IFI16: variants seen among roughly 807,000 people sequenced by gnomAD.
IFI16 encodes the protein interferon gamma inducible protein 16, also known as gamma-interferon-inducible protein 16.
A neutral mutation model predicts 68.4 loss-of-function variants in IFI16; 49 were observed. The observed-to-expected ratio is 0.72, with a 90% CI of 0.57 to 0.91. The LOEUF (loss-of-function observed/expected upper bound fraction) is 0.91, where lower values mean the gene tolerates loss of function less well. Among genes scored for constraint, IFI16 ranks in the 40% least tolerant of loss-of-function variants. The pLI is 0.00. For synonymous variants in IFI16, 307 were observed against 315.0 expected (o/e 0.97, Z 0.27); for missense variants, 878 against 942.9 (o/e 0.93, Z 0.90).
At chr1:159,035,604 TA>T (rs1654274416) in intron 7 of IFI16, among the ~76,000 whole-genome samples, 1 of 148,946 alleles carries the variant, frequency 6.7e-6, no homozygotes, top group African/African-American at 2.5e-5. Context: ...CTATCGTCTG[TA>T]AATACAGTTG....
intron 7 of IFI16, among the ~76,000 whole-genome samples, chr1:159,040,740 G>T (rs1445085045): frequency 6.6e-6 from 1 of 152,150 alleles, no homozygotes; most frequent in Non-Finnish European, 1.5e-5. Flanking sequence ...ATTTTTGCTT[G>T]TTGGGCATTT....
chr1:159,018,513 T>A lies in IFI16; in HGVS notation c.834T>A (p.Thr278=), dbSNP rs748346472. The A allele has an allele frequency of 4.3e-6, 7 of 1,614,076 alleles. No homozygotes were observed. The South Asian group carries it at 7.7e-5, about 18-fold the overall frequency. The change falls in exon 5 of 12, where the codon ACT becomes ACA. Residue 278 remains threonine (T), a synonymous_variant. Transcript: ENST00000295809. ...TCCTAGAGGTCAATGAAGAATCTAC[T>A]GTATCTGAAGCTGGTCCTAACCAAA... The part of the protein sequence containing the change: ...DSLLEVNEES[T]VSEAGPNQTF...
In IFI16 at chr1:159,055,128, A is replaced by G; in HGVS notation, c.*227A>G. On this transcript the variant is annotated 3_prime_UTR_variant, in exon 12 of 12. Coordinates refer to ENST00000295809, the MANE Select transcript of IFI16 (RefSeq NM_001376587.1). ...CAACTTCTATAATTTGAAAAAATAA[A>G]TAAACATTATCTTTTTTGTGAAAGG... 2.9e-6 allele frequency: 1 copy of G among 348,042 alleles called. No homozygotes were observed. Among genetic ancestry groups the G allele is most frequent in the East Asian group, 4.6e-5 (1 of 21,608 alleles). The allele number at this position is 348,042 out of a possible 1,614,324, so 21.6% of individuals were successfully genotyped here.
chr1:159,042,357 G>T (rs1199127324), intron 7 of IFI16, among the ~76,000 whole-genome samples: 1 of 152,112 alleles, frequency 6.6e-6, no homozygotes, highest in Non-Finnish European at 1.5e-5. Flanking sequence ...AGGAATAATT[G>T]CTATTTTTTC....
intron 7 of IFI16, among the ~76,000 whole-genome samples, 154 bp downstream of exon 7, chr1:159,032,845 A>C (rs1654091851): frequency 6.6e-6 from 1 of 152,172 alleles, no homozygotes; most frequent in African/African-American, 2.4e-5. Flanking sequence ...GAATTCATAC[A>C]GTGAGATAGC....
Position 159,032,529 on chromosome 1 carries a change from G to GA in IFI16, c.1174dup (p.Thr392AsnfsTer7). ...CAGAAAATGAATACTTTCAGATAAAGAAAAAAACAAACCCGAGAAACAATG... is the reference window on the plus strand; with the variant it reads ...CAGAAAATGAATACTTTCAGATAAAGAAAAAAAACAAACCCGAGAAACAATG... On this transcript the variant is annotated frameshift_variant, in exon 7 of 12. Coordinates refer to ENST00000295809, the MANE Select transcript of IFI16 (RefSeq NM_001376587.1). LOFTEE classifies it high-confidence loss of function. 1.3e-6 allele frequency: 2 copies of GA among 1,573,042 alleles called. No homozygotes were observed. The highest frequency in any genetic ancestry group is 2.3e-5 in the East Asian group (1 of 44,086).
At chr1:159,034,845 C>T (rs868331066) in intron 7 of IFI16, among the ~76,000 whole-genome samples, 3 of 152,100 alleles carry the variant, frequency 2.0e-5, no homozygotes, top group Admixed American at 6.6e-5. Flanking sequence ...TGGTAGGTAG[C>T]GTCTACCCCA....
chr1:159,026,626 C>T (rs923936514), intron 6 of IFI16, among the ~76,000 whole-genome samples: 2 of 152,122 alleles, frequency 1.3e-5, no homozygotes, highest in African/African-American at 2.4e-5. Context: ...GATATTGATT[C>T]TACCCATCCC....
intron 11 of IFI16, among the ~76,000 whole-genome samples, chr1:159,054,226 T>G (rs1427250138): frequency 6.6e-6 from 1 of 152,198 alleles, no homozygotes; most frequent in Non-Finnish European, 1.5e-5. Context: ...ATACATACAC[T>G]GGTTTACATC....
chr1:159,014,437 AC>A (rs1652791995), intron 1 of IFI16, among the ~76,000 whole-genome samples: 1 of 147,546 alleles, frequency 6.8e-6, no homozygotes, highest in African/African-American at 2.5e-5. Context: ...TAACAACTGG[AC>A]CCAACTCAAC....
chr1:159,051,711 A>C lies in IFI16; in HGVS notation c.1698A>C (p.Glu566Asp), dbSNP rs777391755. 1.2e-6 allele frequency: 2 copies of C among 1,612,914 alleles called. No individual in the cohort carries two copies. The highest frequency in any genetic ancestry group is 1.7e-6 in the Non-Finnish European group (2 of 1,179,090). Residue 566 changes from glutamate (E) to aspartate (D), a missense_variant, in exon 10 of 12, where the codon GAA becomes GAC. This residue lies in a region of IFI16 where 311 missense variants were observed against 305.1 expected (regional missense o/e 1.02). Transcript: ENST00000295809. ...CAAGACTGAAGACTGAACCTGAAGA[A>C]GTTTCCATAGAAGACAGTGCCCAGA... is the stretch of plus-strand genomic sequence containing the variant. ...LKPRLKTEPE[E>D]VSIEDSAQSD...
At chr1:159,015,057 C>G in intron 2 of IFI16, 112 bp downstream of exon 2, 1 of 1,035,120 alleles carries the variant, frequency 9.7e-7, no homozygotes, top group Non-Finnish European at 1.4e-6. Context: ...CAGTTTGTGA[C>G]TCAACAGCTG....
chr1:159,002,459 G>A (rs910830052), upstream of IFI16, among the ~76,000 whole-genome samples: 5 of 152,168 alleles, frequency 3.3e-5, no homozygotes, highest in African/African-American at 1.2e-4. Flanking sequence ...TATTGGCAAA[G>A]CTTGCTCCTT....
chr1:159,025,670 G>T (rs940119905), intron 6 of IFI16, among the ~76,000 whole-genome samples: 9 of 152,140 alleles, frequency 5.9e-5, no homozygotes, highest in Non-Finnish European at 1.2e-4. Flanking sequence ...AAGCTTTTTA[G>T]CTTAATTAAG....
chr1:159,030,955 G>T (rs183713026), intron 6 of IFI16, among the ~76,000 whole-genome samples: 5 of 152,172 alleles, frequency 3.3e-5, no homozygotes, highest in Admixed American at 1.3e-4. Flanking sequence ...ACCATCAGGT[G>T]GGGGCAGGGT....
At chr1:159,046,339 C>T (rs200335145) in intron 8 of IFI16, among the ~76,000 whole-genome samples, 6 of 151,012 alleles carry the variant, frequency 4.0e-5, no homozygotes, top group Admixed American at 1.3e-4. Flanking sequence ...TCATTGGGAA[C>T]GGGTTTCCTA....
At chr1:159,012,193 G>T (rs2101799065) in intron 1 of IFI16, among the ~76,000 whole-genome samples, 1 of 152,152 alleles carries the variant, frequency 6.6e-6, no homozygotes, top group African/African-American at 2.4e-5. Flanking sequence ...GAGGCCCTGA[G>T]TATCACAAAA....
intron 6 of IFI16, among the ~76,000 whole-genome samples, chr1:159,022,028 A>T (rs756463592): frequency 5.5e-5 from 7 of 126,806 alleles, no homozygotes; most frequent in African/African-American, 2.2e-4. Context: ...CAGTGGCGCT[A>T]TCTCGGCTTA....
chr1:159,027,743 T>C (rs1365218635), intron 6 of IFI16, among the ~76,000 whole-genome samples: 1 of 152,220 alleles, frequency 6.6e-6, no homozygotes, highest in East Asian at 1.9e-4. Flanking sequence ...TTCTATATCT[T>C]CCTGGTTTAA....
Sources: allele counts gnomAD v4.1 joint callset (sites outside exome capture counted in the v4.1 genomes callset), GRCh38; gene constraint gnomAD v4.1.1; regional missense constraint gnomAD v4.1.1; transcripts MANE v1.5; gene names NCBI Gene and HGNC (gene_info 2026-07-23, HGNC 2026-07-21).